SHC4: variants seen among roughly 807,000 people sequenced by gnomAD.
The protein encoded by SHC4 is SHC-transforming protein 4.
SHC4 carries 41 observed loss-of-function variants against 69.4 expected under a neutral mutation model. The ratio of observed to expected loss-of-function variants is 0.59; its 90% CI spans 0.46 to 0.77. SHC4 has a LOEUF of 0.77. Ranked by LOEUF, SHC4 falls within the 30% of genes least tolerant of loss-of-function variation. SHC4 has a pLI of 0.00. For missense variants in SHC4, 777 were observed against 783.8 expected (o/e 0.99, Z 0.10); for synonymous variants, 318 against 299.3 (o/e 1.06, Z -0.64).
At chr15:48,924,356 G>A (rs1050363793) in intron 2 of SHC4, among the ~76,000 whole-genome samples, 12 of 152,144 alleles carry the variant, frequency 7.9e-5, no homozygotes, top group African/African-American at 2.9e-4. Context: ...ACGTAACAGG[G>A]ATTCTGATTT....
chr15:48,878,822 T>C, intron 4 of SHC4: 1 of 1,374,962 alleles, frequency 7.3e-7, no homozygotes, highest in Non-Finnish European at 9.8e-7. Flanking sequence ...CCAAATAGTT[T>C]TGTGCCATTG....
chr15:48,851,962 G>C (rs1315817343), intron 8 of SHC4, among the ~76,000 whole-genome samples: 1 of 152,178 alleles, frequency 6.6e-6, no homozygotes, highest in African/African-American at 2.4e-5. Context: ...TAGAATCCTA[G>C]GTCTTGAAGA....
At chr15:48,830,785 A>G (rs1898784212) in intron 11 of SHC4, among the ~76,000 whole-genome samples, 1 of 152,240 alleles carries the variant, frequency 6.6e-6, no homozygotes, top group Non-Finnish European at 1.5e-5. Context: ...TGAAAAAAGA[A>G]ACAAAGCAAG....
At chr15:48,937,594 A>AGATG (rs1296605886) in intron 1 of SHC4, among the ~76,000 whole-genome samples, 1 of 151,724 alleles carries the variant, frequency 6.6e-6, no homozygotes, top group Non-Finnish European at 1.5e-5. Flanking sequence ...ATAGATAGAT[A>AGATG]GATAGATAGA....
intron 2 of SHC4, among the ~76,000 whole-genome samples, chr15:48,895,881 G>A (rs1166522589): frequency 3.3e-5 from 5 of 152,084 alleles, no homozygotes; most frequent in East Asian, 1.9e-4. Context: ...CCAGGACTTC[G>A]AGACCAACTG....
intron 4 of SHC4, chr15:48,878,145 A>AGCTTT: frequency 6.6e-7 from 1 of 1,519,098 alleles, no homozygotes; most frequent in Non-Finnish European, 8.8e-7. Flanking sequence ...TCTTGCTGGA[A>AGCTTT]GCTTTTTCCT....
At chr15:48,959,256 T>C (rs1409025668) in intron 1 of SHC4, among the ~76,000 whole-genome samples, 2 of 152,210 alleles carry the variant, frequency 1.3e-5, no homozygotes. Context: ...TACCCCACTT[T>C]ATTGCTCTCC....
chr15:48,954,476 A>G (rs574899968), intron 1 of SHC4, among the ~76,000 whole-genome samples: 1 of 152,366 alleles, frequency 6.6e-6, no homozygotes, highest in Non-Finnish European at 1.5e-5. Context: ...TAACTGATAC[A>G]GGTGGTCCTC....
intron 1 of SHC4, chr15:48,938,133 G>T (rs1239162888): frequency 5.9e-5 from 9 of 152,148 alleles, no homozygotes; most frequent in Non-Finnish European, 1.2e-4. Flanking sequence ...GGTGGGACTG[G>T]TTCTCCGAAA....
chr15:48,872,787 T>A (rs919721099), intron 4 of SHC4, among the ~76,000 whole-genome samples: 4 of 152,212 alleles, frequency 2.6e-5, no homozygotes, highest in Non-Finnish European at 5.9e-5. Flanking sequence ...GTAACCACAT[T>A]AATTAGCTAA....
In SHC4 at chr15:48,878,240, A is replaced by T. The variant is rs540468266; in HGVS notation, c.840+6008T>A. ...GAGCAGTGACCTGCAGATGGATGTG[A>T]TGCCTGGCGAGGGTGACCTTCCGCA... On this transcript the variant is annotated intron_variant, in intron 4 of 11. Coordinates refer to ENST00000332408, the MANE Select transcript of SHC4 (RefSeq NM_203349.4). 2.4e-5 allele frequency: 39 copies of T among 1,610,248 alleles called. 2 individuals are homozygous for T. The South Asian group carries it at 4.2e-4, about 17-fold the overall frequency.
chr15:48,891,317 G>A (rs904816533), intron 2 of SHC4, among the ~76,000 whole-genome samples: 4 of 152,188 alleles, frequency 2.6e-5, no homozygotes, highest in African/African-American at 9.7e-5. Flanking sequence ...GAGTTTTATT[G>A]ACTAGGTTGC....
chr15:48,931,324 C>T (rs1273616066), intron 1 of SHC4, among the ~76,000 whole-genome samples: 2 of 152,158 alleles, frequency 1.3e-5, no homozygotes, highest in Admixed American at 6.5e-5. Context: ...CAATTACTGC[C>T]TCATGCTCAT....
At chr15:48,953,445 A>G (rs1269513094) in intron 1 of SHC4, among the ~76,000 whole-genome samples, 1 of 152,126 alleles carries the variant, frequency 6.6e-6, no homozygotes, top group Non-Finnish European at 1.5e-5. Flanking sequence ...TGTAAAGCAA[A>G]CTACAGTAGT....
chr15:48,955,267 G>A (rs887755620), intron 1 of SHC4, among the ~76,000 whole-genome samples: 4 of 152,292 alleles, frequency 2.6e-5, no homozygotes, highest in African/African-American at 9.6e-5. Context: ...TACCACGGGT[G>A]GGTGTGCAAA....
chr15:48,943,769 C>A (rs542819600), intron 1 of SHC4, among the ~76,000 whole-genome samples: 2 of 152,130 alleles, frequency 1.3e-5, no homozygotes, highest in South Asian at 2.1e-4. Flanking sequence ...TGTCTCTTGT[C>A]TTTTTGATAA....
At chr15:48,914,496 G>A (rs1364728037) in intron 2 of SHC4, among the ~76,000 whole-genome samples, 2 of 152,192 alleles carry the variant, frequency 1.3e-5, no homozygotes, top group African/African-American at 2.4e-5. Flanking sequence ...GTCTTATTCT[G>A]CCACAGCTCC....
chr15:48,907,038 G>T (rs1244055945), intron 2 of SHC4, among the ~76,000 whole-genome samples: 1 of 151,872 alleles, frequency 6.6e-6, no homozygotes, highest in East Asian at 1.9e-4. Context: ...GTTACTACGG[G>T]TTATCTCCAG....
intron 4 of SHC4, among the ~76,000 whole-genome samples, chr15:48,880,464 C>G (rs907643024): frequency 2.0e-5 from 3 of 152,012 alleles, no homozygotes; most frequent in African/African-American, 7.2e-5. Flanking sequence ...AATAAACTGG[C>G]TGGTTGTATT....
Sources: gnomAD v4.1 joint callset for allele counts (sites outside exome capture counted in the v4.1 genomes callset) on GRCh38, gnomAD v4.1.1 for gene constraint, MANE v1.5 for transcripts, NCBI Gene and HGNC (gene_info 2026-07-23, HGNC 2026-07-21) for gene names.